HECTD2: variants seen among roughly 807,000 people sequenced by gnomAD.
HECTD2 encodes the protein probable E3 ubiquitin-protein ligase HECTD2.
Under a neutral mutation model 103.2 loss-of-function variants are expected in HECTD2, and 35 were observed. The ratio of observed to expected loss-of-function variants is 0.34; its 90% CI spans 0.26 to 0.45. The LOEUF (loss-of-function observed/expected upper bound fraction) is 0.45. Ranked by LOEUF, HECTD2 falls within the 20% of genes least tolerant of loss-of-function variation. The pLI, the probability that HECTD2 is intolerant of heterozygous loss-of-function variation, is 1.00. For synonymous variants in HECTD2, 281 were observed against 329.9 expected, an observed-to-expected ratio of 0.85 and a Z score of 1.61; for missense variants, 596 against 937.4, an observed-to-expected ratio of 0.64 and a Z score of 4.76.
Position 91,496,327 on chromosome 10 carries a change from A to C in HECTD2, c.1635A>C (p.Val545=). ...PIIPSDQNIP[V]GICNVTVDDL... ...TTCCTAGTGATCAAAATATACCAGT[A>C]GGCATCTGCAATGTTACCGTGGACG... Residue 545 remains valine, a synonymous_variant, in exon 15 of 21, where the codon GTA becomes GTC. Coordinates refer to ENST00000298068, the MANE Select transcript of HECTD2 (RefSeq NM_182765.6). 2 of 1,612,524 alleles carry C rather than the reference A, an allele frequency of 1.2e-6. No individual in the cohort carries two copies. The highest frequency in any genetic ancestry group is 1.7e-6 in the Non-Finnish European group (2 of 1,178,750).
chr10:91,471,627 A>G (rs555337147), intron 5 of HECTD2, among the ~76,000 whole-genome samples: 1 of 152,326 alleles, frequency 6.6e-6, no homozygotes, highest in South Asian at 2.1e-4. Context: ...TCTGAATGCA[A>G]AATCAATATA....
intron 1 of HECTD2, 57 bp from the exon 2 acceptor site, chr10:91,425,224 T>G: frequency 7.8e-7 from 1 of 1,283,902 alleles, no homozygotes. Flanking sequence ...ATTTTTGCAA[T>G]AAAATAATTT....
chr10:91,437,895 A>C (rs1449741936), intron 2 of HECTD2, among the ~76,000 whole-genome samples: 1 of 151,898 alleles, frequency 6.6e-6, no homozygotes, highest in Non-Finnish European at 1.5e-5. Flanking sequence ...GAAATGATAT[A>C]AACTAGTGGT....
At chr10:91,463,988 T>G (rs992181372) in intron 5 of HECTD2, among the ~76,000 whole-genome samples, 5 of 152,140 alleles carry the variant, frequency 3.3e-5, no homozygotes, top group Non-Finnish European at 7.4e-5. Context: ...TTCTTTTGAA[T>G]TTAAGTCGTT....
At chr10:91,411,172 AT>A (rs1411329538) in intron 1 of HECTD2, among the ~76,000 whole-genome samples, 1 of 151,992 alleles carries the variant, frequency 6.6e-6, no homozygotes, top group African/African-American at 2.4e-5. Flanking sequence ...TGAACCTTTT[AT>A]TTAAACCCAA....
intron 5 of HECTD2, among the ~76,000 whole-genome samples, chr10:91,468,934 TC>T (rs1183559931): frequency 1.2e-5 from 1 of 84,338 alleles, no homozygotes; most frequent in Admixed American, 1.3e-4. Flanking sequence ...AGACACTGTC[TC>T]ACTCAAAAAA....
chr10:91,498,250 T>A, intron 16 of HECTD2, 68 bp downstream of exon 16: 1 of 1,038,350 alleles, frequency 9.6e-7, no homozygotes. Flanking sequence ...AATTTGTTAT[T>A]AAATACCCAC....
chr10:91,511,662 C>T (rs998031603), intron 20 of HECTD2, among the ~76,000 whole-genome samples: 1 of 152,038 alleles, frequency 6.6e-6, no homozygotes. Context: ...ATTCCTTGCA[C>T]GTGCAGTTCA....
chr10:91,433,997 A>G (rs1016402617), intron 2 of HECTD2, among the ~76,000 whole-genome samples: 4 of 151,996 alleles, frequency 2.6e-5, no homozygotes, highest in African/African-American at 7.2e-5. Context: ...AAATATTTCT[A>G]TAACTAGGCT....
In HECTD2 at chr10:91,431,568, T is replaced by C. The variant is rs1843871736; in HGVS notation, c.268+6158T>C. On this transcript the variant is annotated intron_variant, in intron 2 of 20. Coordinates refer to ENST00000298068, the MANE Select transcript of HECTD2 (RefSeq NM_182765.6). ...ACATCGTCCCATATTTCTTGGAGGC[T>C]TTGTTCATTTCTTTTTATTCTTTTT... is the stretch of plus-strand genomic sequence containing the variant. Among the ~76,000 whole-genome samples, 10 of 152,094 alleles carry C rather than the reference T, an allele frequency of 6.6e-5. No homozygotes were observed. The South Asian group carries it at 1.9e-3, about 28-fold the overall frequency.
rs1847541946 is a variant in HECTD2, at chr10:91,514,585, T to C, written c.*2201T>C. 1 of 152,620 alleles carries C rather than the reference T, an allele frequency of 6.6e-6. No homozygotes were observed. Among genetic ancestry groups the C allele is most frequent in the South Asian group, 2.1e-4 (1 of 4,832 alleles). The allele number at this position is 152,620 out of a possible 1,614,324, so 9.5% of individuals were successfully genotyped here. A position where few individuals can be genotyped will look rare whatever the true frequency, so the allele number is the denominator to read the frequency against. ...TATCTGCCACAGTAAATTAAAGCAT[T>C]ACACAGTATTTATCAGTATTTTTTA... is the stretch of plus-strand genomic sequence containing the variant. On this transcript the variant is annotated 3_prime_UTR_variant, in exon 21 of 21. Coordinates refer to ENST00000298068, the MANE Select transcript of HECTD2 (RefSeq NM_182765.6).
intron 20 of HECTD2, among the ~76,000 whole-genome samples, chr10:91,504,846 T>G (rs1847079796): frequency 6.6e-6 from 1 of 151,694 alleles, no homozygotes; most frequent in Admixed American, 6.6e-5. Flanking sequence ...AAAGTTGAAA[T>G]GAAGGAAAAA....
intron 15 of HECTD2, among the ~76,000 whole-genome samples, chr10:91,497,416 G>A (rs916484208): frequency 6.2e-5 from 9 of 144,056 alleles, no homozygotes; most frequent in Non-Finnish European, 1.1e-4. Flanking sequence ...TCAGCCTCCC[G>A]AATAGCTGGG....
rs533882004 is a variant in HECTD2 at position 91,471,688 on chromosome 10, C to G, written c.601-6513C>G. 4.6e-5 allele frequency among the ~76,000 whole-genome samples: 7 copies of G among 152,246 alleles called. No homozygotes were observed. The South Asian group carries it at 1.0e-3, about 23-fold the overall frequency. On this transcript the variant is annotated intron_variant, in intron 5 of 20. Transcript: ENST00000298068. ...CCAACATCTAAGCAGAGAGCCAAAT[C>G]AAGAACGCAATTCCACTCACAATAG...
chr10:91,450,688 AAAC>A (rs1175031432), intron 2 of HECTD2, among the ~76,000 whole-genome samples: 4 of 152,098 alleles, frequency 2.6e-5, no homozygotes, highest in African/African-American at 9.7e-5. Flanking sequence ...AGAAAAAAAA[AAAC>A]CATCAAAAAG....
intron 2 of HECTD2, among the ~76,000 whole-genome samples, chr10:91,434,177 T>C (rs1844016522): frequency 6.6e-6 from 1 of 151,906 alleles, no homozygotes; most frequent in South Asian, 2.1e-4. Flanking sequence ...TTCCTTTCTC[T>C]CTCCCACCTT....
chr10:91,418,190 A>T (rs1011359072), intron 1 of HECTD2, among the ~76,000 whole-genome samples: 1 of 152,248 alleles, frequency 6.6e-6, no homozygotes, highest in Non-Finnish European at 1.5e-5. Flanking sequence ...TTTTGTTAAA[A>T]AAAAAGAACA....
chr10:91,512,849 A>C lies in HECTD2; in HGVS notation c.*465A>C, dbSNP rs1474609421. The C allele has an allele frequency of 6.5e-6, 1 of 154,042 alleles. No homozygotes were observed. The highest frequency in any genetic ancestry group is 1.9e-4 in the East Asian group (1 of 5,232). The allele number at this position is 154,042 out of a possible 1,614,324, so 9.5% of individuals were successfully genotyped here. ...ATATAGTGGTATACAACACAGTATC[A>C]TTGCAAATGCAGTTTACAGGGATTT... On this transcript the variant is annotated 3_prime_UTR_variant, in exon 21 of 21. Coordinates refer to ENST00000298068, the MANE Select transcript of HECTD2 (RefSeq NM_182765.6).
In HECTD2 at chr10:91,499,149, T is replaced by C; in HGVS notation, c.1949T>C (p.Met650Thr). 6.3e-7 allele frequency: 1 copy of C among 1,584,928 alleles called. No individual in the cohort carries two copies. The highest frequency in any genetic ancestry group is 8.7e-7 in the Non-Finnish European group (1 of 1,154,032). The change falls in exon 18 of 21, where the codon ATG becomes ACG. Residue 650 changes from methionine (M) to threonine (T), a missense_variant and splice_region_variant. Met to Thr is a moderately conservative substitution (Grantham distance 81). Transcript: ENST00000298068. ...FHSVCASNAL[M>T]LLRPEEVEIL... The stretch of plus-strand genomic sequence containing the variant: ...AGTGTGTGTGCTTCAAATGCCCTAA[T>C]GGTGAGTTTATAACTTTAAATCAAG...
Sources: gnomAD v4.1 joint callset for allele counts (sites outside exome capture counted in the v4.1 genomes callset) on GRCh38, gnomAD v4.1.1 for gene constraint, MANE v1.5 for transcripts, NCBI Gene and HGNC (gene_info 2026-07-23, HGNC 2026-07-21) for gene names.